Variants in COL23A1 observed in about 807,000 individuals in gnomAD.
The protein encoded by COL23A1 is collagen alpha-1(XXIII) chain.
COL23A1 carries 97 observed loss-of-function variants against 99.3 expected under a neutral mutation model. The ratio of observed to expected loss-of-function variants is 0.98; its 90% CI spans 0.83 to 1.16. The LOEUF (loss-of-function observed/expected upper bound fraction) is 1.16. Ranked by LOEUF, COL23A1 falls within the 50% of genes most tolerant of loss-of-function variation. The pLI is 0.00. For synonymous variants in COL23A1, 320 were observed against 308.2 expected (o/e 1.04, Z -0.40); for missense variants, 762 against 757.4 (o/e 1.01, Z -0.07).
chr5:178,484,133 C>A (rs1757481962), intron 2 of COL23A1, among the ~76,000 whole-genome samples: 1 of 152,056 alleles, frequency 6.6e-6, no homozygotes, highest in Non-Finnish European at 1.5e-5. Flanking sequence ...ACCGTGTTGG[C>A]CAGGCTGGTC....
chr5:178,315,898 AGATTAC>A (rs1376395224), intron 2 of COL23A1, among the ~76,000 whole-genome samples: 1 of 151,364 alleles, frequency 6.6e-6, no homozygotes, highest in Non-Finnish European at 1.5e-5. Flanking sequence ...TCCTTTGATT[AGATTAC>A]AACAATCTTG....
rs59008283 is a variant in COL23A1 at position 178,244,146 on chromosome 5, ATTTTTTTT to A, written c.1441-1760_1441-1753del. Among the ~76,000 whole-genome samples, 354 of 141,168 alleles carry A rather than the reference ATTTTTTTT, an allele frequency of 2.5e-3. 2 individuals carry two copies. Among genetic ancestry groups the A allele is most frequent in the African/African-American group, 8.2e-3 (316 of 38,472 alleles). The allele number at this position is 141,168 out of a possible 152,430, so 92.6% of individuals were successfully genotyped here. Reference sequence around the variant, plus strand: ...AGGCACCCGCCACCATGCCTGGCTAATTTTTTTTTTTTTTTTGTATATTTAGTAGAGAC... The same window carrying A: ...AGGCACCCGCCACCATGCCTGGCTAATTTTTTTTGTATATTTAGTAGAGAC... On this transcript the variant is annotated intron_variant, in intron 25 of 28. Transcript: ENST00000390654.
chr5:178,393,431 A>T (rs1024272321), intron 2 of COL23A1, among the ~76,000 whole-genome samples: 3 of 152,168 alleles, frequency 2.0e-5, no homozygotes, highest in Non-Finnish European at 2.9e-5. Flanking sequence ...GTTCTGCAAG[A>T]TGTAAACAGT....
In COL23A1 at chr5:178,499,195, C is replaced by T. The variant is rs143052019; in HGVS notation, c.361+61487G>A. Reference sequence around the variant, plus strand: ...AGAAAAAACACCCACACATAAAACCCCACAAAAATATCAACACTCTCAGAG... The same window carrying T: ...AGAAAAAACACCCACACATAAAACCTCACAAAAATATCAACACTCTCAGAG... On this transcript the variant is annotated intron_variant, in intron 2 of 28. Transcript: ENST00000390654. 7.2e-5 allele frequency among the ~76,000 whole-genome samples: 11 copies of T among 152,176 alleles called. No homozygotes were observed. In the East Asian group the frequency reaches 2.1e-3, roughly 29 times the overall value.
intron 2 of COL23A1, among the ~76,000 whole-genome samples, chr5:178,357,806 GTA>G (rs1428744115): frequency 1.4e-4 from 20 of 147,764 alleles, no homozygotes; most frequent in African/African-American, 4.1e-4. Context: ...ATGTGTGTGT[GTA>G]TGTGTGTATG....
At chr5:178,550,790 G>C (rs1373394413) in intron 2 of COL23A1, among the ~76,000 whole-genome samples, 2 of 152,164 alleles carry the variant, frequency 1.3e-5, no homozygotes, top group African/African-American at 4.8e-5. Flanking sequence ...GGCTGCACCT[G>C]TCACTCAATA....
intron 2 of COL23A1, among the ~76,000 whole-genome samples, chr5:178,354,874 C>T (rs1047906986): frequency 2.6e-5 from 4 of 151,928 alleles, no homozygotes; most frequent in Admixed American, 1.3e-4. Context: ...CTGGGCAATA[C>T]GGTGAAACCC....
At chr5:178,249,712 A>ACTCT (rs1425842167) in intron 18 of COL23A1, among the ~76,000 whole-genome samples, 8 of 90,560 alleles carry the variant, frequency 8.8e-5, no homozygotes, top group African/African-American at 2.8e-4. Flanking sequence ...ACACACACAC[A>ACTCT]CACACTCTCT....
intron 2 of COL23A1, among the ~76,000 whole-genome samples, chr5:178,413,926 C>A (rs1181833890): frequency 6.6e-6 from 1 of 152,190 alleles, no homozygotes; most frequent in Non-Finnish European, 1.5e-5. Context: ...CAGATAAGGT[C>A]TTGGGAGCTC....
At chr5:178,254,546 C>T (rs777863791) in intron 16 of COL23A1, among the ~76,000 whole-genome samples, 29 of 152,170 alleles carry the variant, frequency 1.9e-4, no homozygotes, top group Non-Finnish European at 4.4e-5. Context: ...TCACATATCT[C>T]CCAAGGCTCT....
intron 1 of COL23A1, among the ~76,000 whole-genome samples, chr5:178,568,355 T>TAA (rs975290194): frequency 6.8e-6 from 1 of 146,612 alleles, no homozygotes; most frequent in African/African-American, 2.5e-5. Context: ...AATTTAGTTT[T>TAA]AAAAAAAAAA....
At chr5:178,461,246 C>G (rs908190762) in intron 2 of COL23A1, among the ~76,000 whole-genome samples, 2 of 152,226 alleles carry the variant, frequency 1.3e-5, no homozygotes, top group Non-Finnish European at 2.9e-5. Context: ...CTGGCCACCG[C>G]CACGAGTCCA....
intron 5 of COL23A1, among the ~76,000 whole-genome samples, chr5:178,286,242 C>G (rs1353825522): frequency 6.6e-6 from 1 of 152,190 alleles, no homozygotes; most frequent in Admixed American, 6.5e-5. Context: ...GACTGGGGAG[C>G]TGCTGGTAGG....
chr5:178,269,661 TCCATCCAC>T (rs1756168531), intron 6 of COL23A1, among the ~76,000 whole-genome samples: 1 of 138,216 alleles, frequency 7.2e-6, no homozygotes, highest in Non-Finnish European at 1.5e-5. Flanking sequence ...CATTCATCCA[TCCATCCAC>T]CCATTCATCC....
intron 2 of COL23A1, among the ~76,000 whole-genome samples, chr5:178,545,465 G>T (rs1761529509): frequency 6.6e-6 from 1 of 152,184 alleles, no homozygotes; most frequent in Non-Finnish European, 1.5e-5. Flanking sequence ...TGAAAAGAAT[G>T]AAAAGAACAG....
rs555793952 is a variant in COL23A1 at position 178,541,414 on chromosome 5, C to A, written c.361+19268G>T. Among the ~76,000 whole-genome samples, 10 of 152,212 alleles carry A rather than the reference C, an allele frequency of 6.6e-5. 1 individual carries two copies. The South Asian group carries it at 2.1e-3, about 32-fold the overall frequency. ...ACCAGCCTGGGCGACATGGTGAAACCCCGTCTCTACCAGAAATACAAAAAT... is the reference window on the plus strand; with the variant it reads ...ACCAGCCTGGGCGACATGGTGAAACACCGTCTCTACCAGAAATACAAAAAT... On this transcript the variant is annotated intron_variant, in intron 2 of 28. Coordinates refer to ENST00000390654, the MANE Select transcript of COL23A1 (RefSeq NM_173465.4).
At chr5:178,371,712 C>G (rs1162548025) in intron 2 of COL23A1, among the ~76,000 whole-genome samples, 1 of 152,200 alleles carries the variant, frequency 6.6e-6, no homozygotes, top group Non-Finnish European at 1.5e-5. Flanking sequence ...GGTCCCTCTT[C>G]CCGATGGTGA....
chr5:178,324,514 C>T (rs763470335), intron 2 of COL23A1, among the ~76,000 whole-genome samples: 9 of 152,068 alleles, frequency 5.9e-5, no homozygotes, highest in East Asian at 1.9e-4. Flanking sequence ...GGTGTGCTTA[C>T]GGAGCAGTGC....
chr5:178,537,732 C>T (rs530336983), intron 2 of COL23A1, among the ~76,000 whole-genome samples: 59 of 152,340 alleles, frequency 3.9e-4, no homozygotes, highest in African/African-American at 1.3e-3. Context: ...AAAATATACA[C>T]GGCATGACGT....
Sources: allele counts gnomAD v4.1 joint callset (sites outside exome capture counted in the v4.1 genomes callset), GRCh38; gene constraint gnomAD v4.1.1; transcripts MANE v1.5; gene names NCBI Gene and HGNC (gene_info 2026-07-23, HGNC 2026-07-21).